The following NEBL variants were observed in gnomAD, a reference collection of about 807,000 sequenced individuals.
NEBL encodes LIM and SH3 protein 2.
Under a neutral mutation model 140.2 loss-of-function variants are expected in NEBL, and 122 were observed. The ratio of observed to expected loss-of-function variants is 0.87; its 90% CI spans 0.75 to 1.01. NEBL has a LOEUF of 1.01. Among genes scored for constraint, NEBL ranks in the 50% least tolerant of loss-of-function variants. NEBL has a pLI of 0.00. For missense variants in NEBL, 1,365 were observed against 1,231.3 expected (o/e 1.11, Z -1.62); for synonymous variants, 436 against 398.9 (o/e 1.09, Z -1.11).
upstream of NEBL, chr10:20,899,286 C>T (rs1588977053): frequency 1.4e-6 from 1 of 708,112 alleles, no homozygotes; most frequent in East Asian, 7.3e-5. Flanking sequence ...GAAAATCTTG[C>T]CAAAACTGCC....
At chr10:20,889,186 T>C (rs1157697387) in intron 3 of NEBL, among the ~76,000 whole-genome samples, 1 of 152,238 alleles carries the variant, frequency 6.6e-6, no homozygotes, top group African/African-American at 2.4e-5. Context: ...CTCTTCTAAG[T>C]GATCTATTCA....
intron 2 of NEBL, among the ~76,000 whole-genome samples, chr10:21,067,338 T>C (rs997577626): frequency 6.6e-6 from 1 of 152,158 alleles, no homozygotes; most frequent in Admixed American, 6.5e-5. Flanking sequence ...TTCAGTTTTG[T>C]GATAAACACT....
chr10:20,859,640 A>C, intron 8 of NEBL, 73 bp downstream of exon 8: 2 of 1,019,092 alleles, frequency 2.0e-6, no homozygotes, highest in Non-Finnish European at 3.0e-6. Context: ...ATCAGTAATT[A>C]CAACACAGTC....
At chr10:20,994,584 A>AC (rs535964504) in intron 3 of NEBL, among the ~76,000 whole-genome samples, 43 of 151,980 alleles carry the variant, frequency 2.8e-4, no homozygotes, top group Admixed American at 1.2e-3. Flanking sequence ...AAGGGCATTG[A>AC]CCCCCCCGTA....
chr10:20,966,083 A>G (rs1836301026), intron 3 of NEBL, among the ~76,000 whole-genome samples: 1 of 152,238 alleles, frequency 6.6e-6, no homozygotes, highest in African/African-American at 2.4e-5. Flanking sequence ...AAATTCATGT[A>G]ATAGGCAACT....
At chr10:20,866,398 T>TA (rs373428265) in intron 7 of NEBL, among the ~76,000 whole-genome samples, 508 of 152,114 alleles carry the variant, frequency 3.3e-3, no homozygotes, top group Non-Finnish European at 4.0e-3. Flanking sequence ...CTTATCACGA[T>TA]AAAAAAATGG....
At chr10:21,184,528 A>G (rs892694647) in intron 3 of NEBL, among the ~76,000 whole-genome samples, 1 of 152,204 alleles carries the variant, frequency 6.6e-6, no homozygotes, top group African/African-American at 2.4e-5. Flanking sequence ...ATTAAGTGAA[A>G]TGAATGAACC....
intron 14 of NEBL, 94 bp downstream of exon 14, chr10:20,835,419 C>T (rs1263253003): frequency 2.1e-6 from 2 of 950,810 alleles, no homozygotes; most frequent in African/African-American, 1.6e-5. Context: ...AGCTGCAATG[C>T]TTTGAGAAAT....
chr10:21,283,254 G>A (rs549411721), intron 1 of NEBL, among the ~76,000 whole-genome samples: 27 of 152,116 alleles, frequency 1.8e-4, no homozygotes, highest in East Asian at 7.7e-4. Flanking sequence ...GCGCCATGAC[G>A]GTTTACAAAT....
chr10:21,120,782 C>T lies in NEBL; in HGVS notation c.164+51601G>A, dbSNP rs184363887. 3.0e-4 allele frequency among the ~76,000 whole-genome samples: 45 copies of T among 151,054 alleles called. No homozygotes were observed. The Middle Eastern group carries it at 0.01, about 35-fold the overall frequency. On this transcript the variant is annotated intron_variant, in intron 2 of 6. Coordinates refer to the NEBL transcript ENST00000417816. ...CTAAGCCCTGCTGAGGAAGAACACA[C>T]GCCCAAGTGAGGTCTGAAGTCAGTG...
intron 3 of NEBL, among the ~76,000 whole-genome samples, chr10:21,005,122 G>A (rs10828173): frequency 0.25 from 38,083 of 152,092 alleles, 9,009 homozygotes; most frequent in African/African-American, 0.6. Context: ...ACCAAATTGA[G>A]GACAGAAAGT....
At chr10:21,073,679 C>T (rs1259987336) in intron 2 of NEBL, among the ~76,000 whole-genome samples, 1 of 151,494 alleles carries the variant, frequency 6.6e-6, no homozygotes, top group Non-Finnish European at 1.5e-5. Context: ...TTCCCCACTG[C>T]TCCCTACTCC....
chr10:20,863,010 G>T (rs1843881635), intron 7 of NEBL, among the ~76,000 whole-genome samples: 1 of 151,996 alleles, frequency 6.6e-6, no homozygotes, highest in African/African-American at 2.4e-5. Context: ...AAAAAATACT[G>T]TATAGGTATA....
At chr10:20,964,282 C>T (rs1415093544) in intron 3 of NEBL, among the ~76,000 whole-genome samples, 2 of 152,086 alleles carry the variant, frequency 1.3e-5, no homozygotes, top group African/African-American at 4.8e-5. Flanking sequence ...GGCAGGAATT[C>T]TTGGGAAAGG....
At chr10:21,284,565 A>G (rs1843033106) in intron 1 of NEBL, among the ~76,000 whole-genome samples, 1 of 152,144 alleles carries the variant, frequency 6.6e-6, no homozygotes, top group Non-Finnish European at 1.5e-5. Flanking sequence ...GGTATTTTAG[A>G]ACTAACTCTT....
Position 21,094,428 on chromosome 10 carries a change from A to G in NEBL, c.165-74227T>C, listed in dbSNP as rs557178808. Reference sequence around the variant, plus strand: ...GAGGCAGGAGAATGGCGTGAACCACAGAGGCGGAGCTTGCAGTGAGCCGAG... The same window carrying G: ...GAGGCAGGAGAATGGCGTGAACCACGGAGGCGGAGCTTGCAGTGAGCCGAG... On this transcript the variant is annotated intron_variant, in intron 2 of 6. Transcript: ENST00000417816. Among the ~76,000 whole-genome samples the G allele has an allele frequency of 3.4e-5, 5 of 148,486 alleles. No homozygotes were observed. The East Asian group carries it at 1.0e-3, about 30-fold the overall frequency.
Position 20,828,634 on chromosome 10 carries a change from T to G in NEBL, c.1672A>C (p.Arg558=), listed in dbSNP as rs944343501. ...TTCTCTGCTTCATCTTTATACTTTC[T>G]CTAAAAACATAAACAGTTAATATAA... is the stretch of plus-strand genomic sequence containing the variant. The part of the protein sequence containing the change: ...AKRTSEIYSQ[R]KYKDEAEKML... The change falls in exon 17 of 28, where the codon AGA becomes CGA. Residue 558 remains arginine, a splice_region_variant and synonymous_variant. Coordinates refer to ENST00000377122, the MANE Select transcript of NEBL (RefSeq NM_006393.3). 4 of 1,533,922 alleles carry G rather than the reference T, an allele frequency of 2.6e-6. No individual in the cohort carries two copies. The highest frequency in any genetic ancestry group is 2.7e-6 in the Non-Finnish European group (3 of 1,108,582).
upstream of NEBL, among the ~76,000 whole-genome samples, chr10:20,902,097 G>A (rs916037446): frequency 1.1e-4 from 17 of 152,064 alleles, no homozygotes; most frequent in Non-Finnish European, 2.2e-4. Flanking sequence ...CCATGACCAA[G>A]TATGCTATTA....
chr10:20,813,503 AT>A (rs1183846518), intron 23 of NEBL, among the ~76,000 whole-genome samples: 2 of 152,216 alleles, frequency 1.3e-5, no homozygotes, highest in East Asian at 3.8e-4. Context: ...AAACCATTGA[AT>A]TGAACACTTT....
Sources: gnomAD v4.1 joint callset for allele counts (sites outside exome capture counted in the v4.1 genomes callset) on GRCh38, gnomAD v4.1.1 for gene constraint, MANE v1.5 for transcripts, NCBI Gene and HGNC (gene_info 2026-07-23, HGNC 2026-07-21) for gene names.